The following RBFOX1 variants were observed in gnomAD, a reference collection of about 807,000 sequenced individuals.
The protein encoded by RBFOX1 is RNA binding fox-1 homolog 1.
In RBFOX1, 8 loss-of-function variants were observed where a neutral mutation model predicts 57.7. The observed-to-expected ratio is 0.14, with a 90% CI of 0.08 to 0.25. The LOEUF (loss-of-function observed/expected upper bound fraction) is 0.25. Among genes scored for constraint, RBFOX1 ranks in the 10% least tolerant of loss-of-function variants. RBFOX1 has a pLI of 1.00. For synonymous variants in RBFOX1, 326 were observed against 222.4 expected, an observed-to-expected ratio of 1.47 and a Z score of -4.15; for missense variants, 611 against 548.5, an observed-to-expected ratio of 1.11 and a Z score of -1.14.
At chr16:6,591,757 G>C (rs1008312082) in intron 2 of RBFOX1, among the ~76,000 whole-genome samples, 1 of 152,202 alleles carries the variant, frequency 6.6e-6, no homozygotes, top group African/African-American at 2.4e-5. Context: ...AGAAAGCAGA[G>C]TCTGCATTTG....
chr16:7,451,463 G>C (rs1456041302), intron 4 of RBFOX1, among the ~76,000 whole-genome samples: 1 of 152,084 alleles, frequency 6.6e-6, no homozygotes, highest in East Asian at 1.9e-4. Flanking sequence ...TACATTTTGT[G>C]CTCGGGACCG....
At chr16:6,630,677 A>T (rs988414090) in intron 2 of RBFOX1, among the ~76,000 whole-genome samples, 1 of 152,194 alleles carries the variant, frequency 6.6e-6, no homozygotes, top group Non-Finnish European at 1.5e-5. Flanking sequence ...TCCCTACAGC[A>T]TTTCTGTTAA....
At chr16:6,844,594 C>T (rs1047421942) in intron 3 of RBFOX1, among the ~76,000 whole-genome samples, 2 of 151,928 alleles carry the variant, frequency 1.3e-5, no homozygotes, top group Admixed American at 6.6e-5. Context: ...CATTGATGGG[C>T]ATTTAGGTTG....
Position 6,845,057 on chromosome 16 carries a change from T to G in RBFOX1, c.-16+190407T>G, listed in dbSNP as rs537368823. On this transcript the variant is annotated intron_variant, in intron 3 of 15. Coordinates refer to ENST00000550418, the MANE Select transcript of RBFOX1 (RefSeq NM_018723.4). ...TGTTTTTCTTGCACATTTGCTTGAG[T>G]TCCTTGTACACTCTGGATATTAGAC... 1.2e-3 allele frequency among the ~76,000 whole-genome samples: 189 copies of G among 152,322 alleles called. 3 individuals are homozygous for G. Among genetic ancestry groups the G allele is most frequent in the Non-Finnish European group, 9.0e-4 (61 of 68,028 alleles).
At chr16:6,149,226 C>T (rs182338847) in intron 1 of RBFOX1, among the ~76,000 whole-genome samples, 1 of 152,156 alleles carries the variant, frequency 6.6e-6, no homozygotes, top group Non-Finnish European at 1.5e-5. Context: ...TGTGTGCGCG[C>T]GCGTGCGCGG....
chr16:6,698,108 T>C (rs971281645), intron 3 of RBFOX1, among the ~76,000 whole-genome samples: 3 of 152,196 alleles, frequency 2.0e-5, no homozygotes, highest in Non-Finnish European at 2.9e-5. Flanking sequence ...TCATAAAATA[T>C]GCATTTTGTT....
At chr16:7,567,720 AT>A (rs1168824089) in intron 5 of RBFOX1, among the ~76,000 whole-genome samples, 8 of 85,156 alleles carry the variant, frequency 9.4e-5, no homozygotes, top group Admixed American at 5.4e-4. Context: ...CTATATATAT[AT>A]ATCCCTATAT....
intron 4 of RBFOX1, among the ~76,000 whole-genome samples, chr16:7,426,296 C>G (rs529745197): frequency 2.6e-5 from 4 of 152,174 alleles, no homozygotes; most frequent in African/African-American, 7.2e-5. Flanking sequence ...TCCTTACTAG[C>G]AATTTGCCTA....
chr16:7,059,010 A>G (rs918199084), intron 4 of RBFOX1, among the ~76,000 whole-genome samples: 2 of 152,182 alleles, frequency 1.3e-5, no homozygotes, highest in Non-Finnish European at 2.9e-5. Context: ...CATTATCAAT[A>G]TTTAATTTGC....
intron 4 of RBFOX1, among the ~76,000 whole-genome samples, chr16:7,356,714 A>G (rs1211303773): frequency 2.0e-5 from 3 of 152,234 alleles, no homozygotes; most frequent in Non-Finnish European, 4.4e-5. Flanking sequence ...CTTTTTAAAT[A>G]AGACAAATAC....
intron 1 of RBFOX1, among the ~76,000 whole-genome samples, chr16:6,098,026 C>G (rs1233776332): frequency 6.6e-6 from 1 of 152,154 alleles, no homozygotes; most frequent in East Asian, 1.9e-4. Context: ...GATGCTGGTG[C>G]TCACTTGGCA....
chr16:7,633,511 T>C (rs2061310911), intron 11 of RBFOX1, among the ~76,000 whole-genome samples: 2 of 152,294 alleles, frequency 1.3e-5, no homozygotes, highest in African/African-American at 4.8e-5. Flanking sequence ...CATAGCAATT[T>C]TTTTTCAAAA....
intron 3 of RBFOX1, among the ~76,000 whole-genome samples, chr16:5,686,905 G>T (rs910932923): frequency 6.6e-6 from 1 of 152,110 alleles, no homozygotes; most frequent in Non-Finnish European, 1.5e-5. Context: ...GATTTAATGA[G>T]CCTGGATTTA....
chr16:7,311,536 A>G (rs2096309084), intron 4 of RBFOX1, among the ~76,000 whole-genome samples: 2 of 140,660 alleles, frequency 1.4e-5, no homozygotes, highest in Admixed American at 7.4e-5. Flanking sequence ...CAATGACTAG[A>G]TTCCCCTTAT....
intron 4 of RBFOX1, among the ~76,000 whole-genome samples, chr16:7,293,586 C>T (rs1009240171): frequency 2.0e-5 from 3 of 152,070 alleles, no homozygotes; most frequent in Non-Finnish European, 2.9e-5. Context: ...AACCTGGACT[C>T]GCAGGCCAGA....
intron 1 of RBFOX1, among the ~76,000 whole-genome samples, chr16:5,388,856 C>T (rs933643352): frequency 3.3e-5 from 5 of 151,084 alleles, no homozygotes; most frequent in African/African-American, 4.9e-5. Flanking sequence ...GGATTACAGG[C>T]GTGAGTCACC....
chr16:5,886,495 C>T lies in RBFOX1; in HGVS notation c.351+19160C>T, dbSNP rs941035808. Reference sequence around the variant, plus strand: ...CATTTCTCCATGGATCATTCAGGTTCTCAATGGCTATTTTAATTAAAACAG... The same window carrying T: ...CATTTCTCCATGGATCATTCAGGTTTTCAATGGCTATTTTAATTAAAACAG... On this transcript the variant is annotated intron_variant, in intron 4 of 19. Transcript: ENST00000641259. Among the ~76,000 whole-genome samples, 4 of 152,300 alleles carry T rather than the reference C, an allele frequency of 2.6e-5. No homozygotes were observed. The East Asian group carries it at 7.7e-4, about 29-fold the overall frequency.
intron 4 of RBFOX1, among the ~76,000 whole-genome samples, chr16:5,932,183 C>T (rs1300654464): frequency 2.0e-5 from 3 of 152,176 alleles, no homozygotes; most frequent in Non-Finnish European, 2.9e-5. Context: ...CATTAAAAGC[C>T]GAGAATTTTC....
At chr16:6,450,839 G>GTGTGTATA in intron 2 of RBFOX1, among the ~76,000 whole-genome samples, 1 of 13,606 alleles carries the variant, frequency 7.3e-5, no homozygotes, top group African/African-American at 3.4e-4. Flanking sequence ...ATATATATGT[G>GTGTGTATA]TATATATATA....
Sources: allele counts gnomAD v4.1 joint callset (sites outside exome capture counted in the v4.1 genomes callset), GRCh38; gene constraint gnomAD v4.1.1; transcripts MANE v1.5; gene names NCBI Gene and HGNC (gene_info 2026-07-23, HGNC 2026-07-21).